NLGN3: variants seen among roughly 807,000 people sequenced by gnomAD.
The protein encoded by NLGN3 is neuroligin 3.
Under a neutral mutation model 42.9 loss-of-function variants are expected in NLGN3, and 11 were observed. The ratio of observed to expected loss-of-function variants is 0.26; its 90% CI spans 0.16 to 0.42. The LOEUF is 0.42. NLGN3 is among the 10% of genes least tolerant of loss of function. The probability of loss-of-function intolerance (pLI) is 1.00; values close to 1 mark genes in which losing one functional copy is unlikely to be tolerated. For synonymous variants in NLGN3, 279 were observed against 312.7 expected, an observed-to-expected ratio of 0.89 and a Z score of 1.14; for missense variants, 374 against 733.8, an observed-to-expected ratio of 0.51 and a Z score of 5.67.
At position 71,170,896 on chromosome X, in the gene NLGN3, G is replaced by T; in HGVS notation, c.*799G>T. ...AACAGCATTGGCCTGGCCAGACCAG[G>T]TGACCTTAGATTTGGTGAACAACGT... On this transcript the variant is annotated 3_prime_UTR_variant, in exon 8 of 8. Transcript: ENST00000358741. 1 of 754,964 alleles carries T rather than the reference G, an allele frequency of 1.3e-6. No homozygotes were observed. The highest frequency in any genetic ancestry group is 1.6e-6 in the Non-Finnish European group (1 of 639,599). 62.2% of individuals were successfully genotyped at this position (754,964 alleles called of 1,213,427 possible). A position where few individuals can be genotyped will look rare whatever the true frequency, so the allele number is the denominator to read the frequency against.
Position 71,170,739 on chromosome X carries a change from A to G in NLGN3, c.*642A>G, listed in dbSNP as rs190402896. The G allele has an allele frequency of 2.6e-6, 2 of 758,559 alleles. No individual in the cohort carries two copies. Among genetic ancestry groups the G allele is most frequent in the East Asian group, 1.5e-4 (1 of 6,796 alleles). The allele number at this position is 758,559 out of a possible 1,213,427, so 62.5% of individuals were successfully genotyped here. ...CAGGAAGGAAACAGATTTAAGCAAG[A>G]CCATGGGGTGGAAGGAGAAAGGGGC... On this transcript the variant is annotated 3_prime_UTR_variant, in exon 8 of 8. Coordinates refer to ENST00000358741, the MANE Select transcript of NLGN3 (RefSeq NM_181303.2).
intron 5 of NLGN3, among the ~76,000 whole-genome samples, chrX:71,157,950 C>T (rs1247171426): frequency 9.1e-6 from 1 of 109,936 alleles, no homozygotes; most frequent in Non-Finnish European, 1.9e-5. Flanking sequence ...TGTCTTTCTG[C>T]ATCACCTCAG....
intron 5 of NLGN3, 24 bp downstream of exon 5, chrX:71,155,387 G>A: frequency 8.3e-7 from 1 of 1,210,139 alleles, no homozygotes. Context: ...CCTGGTGCCT[G>A]GAAGGAAGAC....
At chrX:71,151,069 G>C (rs1287496804) in intron 3 of NLGN3, among the ~76,000 whole-genome samples, 3 of 112,026 alleles carry the variant, frequency 2.7e-5, no homozygotes, top group Non-Finnish European at 5.6e-5. Flanking sequence ...TATAATTGCA[G>C]CACTTTGAGA....
At position 71,164,225 on chromosome X, in the gene NLGN3, G is replaced by T. The variant is rs1050434123; in HGVS notation, c.810G>T (p.Glu270Asp). 2.5e-6 allele frequency: 3 copies of T among 1,211,719 alleles called. No individual in the cohort carries two copies. The highest frequency in any genetic ancestry group is 3.4e-6 in the Non-Finnish European group (3 of 895,485). ...TCCAGGCCCTCCGCTGGGTGAGCGAGAATATTGCCTTCTTCGGGGGAGACC... is the reference window on the plus strand; with the variant it reads ...TCCAGGCCCTCCGCTGGGTGAGCGATAATATTGCCTTCTTCGGGGGAGACC... ...DQIQALRWVS[E>D]NIAFFGGDPR... Residue 270 changes from glutamate (E) to aspartate (D), a missense_variant, in exon 6 of 8, where the codon GAG becomes GAT. Around this residue, in one of 6 missense-constraint regions of NLGN3, gnomAD observed 28 missense variants for 48.2 expected, o/e 0.58. Coordinates refer to ENST00000358741, the MANE Select transcript of NLGN3 (RefSeq NM_181303.2).
chrX:71,162,476 C>T (rs987718528), intron 5 of NLGN3, among the ~76,000 whole-genome samples: 2 of 111,342 alleles, frequency 1.8e-5, no homozygotes, highest in African/African-American at 6.5e-5. Context: ...GAATGGGCCA[C>T]GCAAAGGAAA....
chrX:71,157,038 G>A (rs2092411909), intron 5 of NLGN3, among the ~76,000 whole-genome samples: 1 of 111,469 alleles, frequency 9.0e-6, no homozygotes, highest in Non-Finnish European at 1.9e-5. Context: ...GTAGTGGCAT[G>A]AAGAAGCCAA....
chrX:71,174,944 C>T (rs2147922254), downstream of NLGN3, among the ~76,000 whole-genome samples: 1 of 111,890 alleles, frequency 8.9e-6, no homozygotes, highest in African/African-American at 3.2e-5. Context: ...AGTATTGTGA[C>T]CTTGGGCCAT....
rs2092468330 is a variant in NLGN3 at position 71,170,513 on chromosome X, G to A, written c.*416G>A. The A allele has an allele frequency of 2.4e-6, 2 of 842,596 alleles. No individual in the cohort carries two copies. The highest frequency in any genetic ancestry group is 2.9e-6 in the Non-Finnish European group (2 of 695,883). 69.4% of individuals were successfully genotyped at this position (842,596 alleles called of 1,213,427 possible). On this transcript the variant is annotated 3_prime_UTR_variant, in exon 8 of 8. Transcript: ENST00000358741. Reference sequence around the variant, plus strand: ...CAACTCCAGACTTGGGAGCTTTAAAGAGCAGGATAGCTCTTCCTCCCCAGG... The same window carrying A: ...CAACTCCAGACTTGGGAGCTTTAAAAAGCAGGATAGCTCTTCCTCCCCAGG...
chrX:71,169,812 G>A lies in NLGN3; in HGVS notation c.2262G>A (p.Glu754=). 2 of 1,206,866 alleles carry A rather than the reference G, an allele frequency of 1.7e-6. No individual in the cohort carries two copies. The highest frequency in any genetic ancestry group is 2.2e-6 in the Non-Finnish European group (2 of 892,899). The change falls in exon 8 of 8, where the codon GAG becomes GAA. Residue 754 remains glutamate, a synonymous_variant. Transcript: ENST00000358741. ...PSPQRGAGAP[E]LGAAPEEELA... ...CTCAGCGGGGAGCCGGGGCCCCGGA[G>A]TTGGGAGCTGCTCCAGAGGAGGAGC...
chrX:71,151,573 G>C (rs933122481), intron 3 of NLGN3, among the ~76,000 whole-genome samples: 9 of 112,188 alleles, frequency 8.0e-5, no homozygotes, highest in African/African-American at 2.9e-4. Context: ...GTCTGGGAAT[G>C]GTGGTCGGCA....
downstream of NLGN3, among the ~76,000 whole-genome samples, chrX:71,175,240 A>G (rs1216565348): frequency 8.9e-6 from 1 of 111,804 alleles, no homozygotes; most frequent in African/African-American, 3.3e-5. Flanking sequence ...TGGGTTCAAC[A>G]TGAGGAAGAT....
downstream of NLGN3, among the ~76,000 whole-genome samples, chrX:71,172,224 C>A (rs748756711): frequency 9.0e-6 from 1 of 111,464 alleles, no homozygotes; most frequent in Non-Finnish European, 1.9e-5. Flanking sequence ...TTTCCTCACA[C>A]CCTTCTTTCC....
intron 6 of NLGN3, among the ~76,000 whole-genome samples, chrX:71,165,438 C>T (rs1443658750): frequency 8.9e-6 from 1 of 111,997 alleles, no homozygotes; most frequent in East Asian, 2.8e-4. Context: ...TGACTGGGGA[C>T]TCCTCCCCTA....
intron 5 of NLGN3, 38 bp downstream of exon 5, chrX:71,155,401 C>T (rs2092405238): frequency 1.7e-6 from 2 of 1,199,190 alleles, no homozygotes; most frequent in Non-Finnish European, 1.1e-6. Context: ...GGAAGACTGG[C>T]TTCGCAAGGG....
chrX:71,165,391 G>C (rs1439989409), intron 6 of NLGN3, among the ~76,000 whole-genome samples: 2 of 112,023 alleles, frequency 1.8e-5, no homozygotes, highest in Non-Finnish European at 3.8e-5. Context: ...CGGGCTGCAA[G>C]GGTGCCTTGG....
At chrX:71,157,283 T>TTTGC (rs2092412650) in intron 5 of NLGN3, among the ~76,000 whole-genome samples, 1 of 89,504 alleles carries the variant, frequency 1.1e-5, no homozygotes, top group African/African-American at 4.9e-5. Context: ...CTTATTTTAA[T>TTTGC]TTGCTTATTT....
downstream of NLGN3, among the ~76,000 whole-genome samples, chrX:71,172,421 C>T (rs1017398238): frequency 5.4e-5 from 6 of 110,698 alleles, no homozygotes; most frequent in Non-Finnish European, 9.5e-5. Context: ...GTATTAGAAA[C>T]AGACCTAGAA....
intron 3 of NLGN3, among the ~76,000 whole-genome samples, chrX:71,151,579 C>T (rs1029576373): frequency 5.4e-5 from 6 of 111,854 alleles, no homozygotes; most frequent in African/African-American, 9.7e-5. Flanking sequence ...GAATGGTGGT[C>T]GGCAGTCAGG....
Sources: gnomAD v4.1 joint callset for allele counts (sites outside exome capture counted in the v4.1 genomes callset) on GRCh38, gnomAD v4.1.1 for gene constraint, gnomAD v4.1.1 regional missense constraint, MANE v1.5 for transcripts, NCBI Gene and HGNC (gene_info 2026-07-23, HGNC 2026-07-21) for gene names.